FSTL5: variants seen among roughly 807,000 people sequenced by gnomAD.
FSTL5 encodes the protein follistatin-related protein 5.
FSTL5 carries 62 observed loss-of-function variants against 89.1 expected under a neutral mutation model. That is an observed-to-expected ratio of 0.70 (90% CI 0.57 to 0.86). The LOEUF is 0.86. Among genes scored for constraint, FSTL5 ranks in the 40% least tolerant of loss-of-function variants. FSTL5 has a pLI of 0.00. For synonymous variants in FSTL5, 383 were observed against 346.2 expected, an observed-to-expected ratio of 1.11 and a Z score of -1.18; for missense variants, 1,057 against 1,001.6, an observed-to-expected ratio of 1.06 and a Z score of -0.75.
rs756700628 is a variant in FSTL5, at chr4:161,563,929, A to G, written c.1016-21236T>C. On this transcript the variant is annotated intron_variant, in intron 8 of 15. Coordinates refer to ENST00000306100, the MANE Select transcript of FSTL5 (RefSeq NM_020116.5). ...AAAATGAAAAGAAAAAACAACACAAAAATTGTCATAGTAGGGTGCTAAAAA... is the reference window on the plus strand; with the variant it reads ...AAAATGAAAAGAAAAAACAACACAAGAATTGTCATAGTAGGGTGCTAAAAA... 3.9e-5 allele frequency among the ~76,000 whole-genome samples: 6 copies of G among 152,100 alleles called. 1 individual carries two copies. The South Asian group carries it at 8.3e-4, about 21-fold the overall frequency.
chr4:161,736,182 C>T (rs1186868819), intron 6 of FSTL5, among the ~76,000 whole-genome samples: 1 of 152,052 alleles, frequency 6.6e-6, no homozygotes, highest in Non-Finnish European at 1.5e-5. Flanking sequence ...CATTTGATTA[C>T]AGAATGTTAT....
At chr4:161,386,643 A>G (rs1730659490) in intron 15 of FSTL5, 194 bp from the exon 16 acceptor site, 1 of 558,106 alleles carries the variant, frequency 1.8e-6, no homozygotes, top group Non-Finnish European at 3.2e-6. Context: ...TTCTTTCATT[A>G]CATCCAAATC....
chr4:161,829,572 A>T (rs1201817398), intron 4 of FSTL5, among the ~76,000 whole-genome samples: 1 of 152,056 alleles, frequency 6.6e-6, no homozygotes, highest in East Asian at 1.9e-4. Flanking sequence ...GGAATGAAAA[A>T]TAATTTCCAG....
intron 4 of FSTL5, among the ~76,000 whole-genome samples, chr4:161,784,919 A>C (rs1056355052): frequency 1.5e-5 from 2 of 131,102 alleles, no homozygotes; most frequent in Admixed American, 7.7e-5. Flanking sequence ...AACAAACAAA[A>C]AAAAGAAGAT....
intron 15 of FSTL5, among the ~76,000 whole-genome samples, chr4:161,444,126 G>A (rs1187105889): frequency 6.6e-6 from 1 of 151,906 alleles, no homozygotes; most frequent in Non-Finnish European, 1.5e-5. Context: ...TTGGTGAACA[G>A]AGTAGAGAAC....
At chr4:161,496,357 C>T (rs541629675) in intron 12 of FSTL5, among the ~76,000 whole-genome samples, 2 of 152,074 alleles carry the variant, frequency 1.3e-5, no homozygotes, top group African/African-American at 2.4e-5. Flanking sequence ...GTCAAACACT[C>T]GTCTAGATTT....
At chr4:161,388,563 A>T (rs1228863216) in intron 15 of FSTL5, 1 of 152,134 alleles carries the variant, frequency 6.6e-6, no homozygotes, top group Non-Finnish European at 1.5e-5. Context: ...ATAAACAAAC[A>T]TATAACATTT....
At chr4:161,487,462 G>C (rs1729717602) in intron 12 of FSTL5, among the ~76,000 whole-genome samples, 1 of 152,084 alleles carries the variant, frequency 6.6e-6, no homozygotes, top group Admixed American at 6.5e-5. Context: ...ATAGCAATTT[G>C]ACATTGCCAT....
At chr4:161,398,430 A>G (rs1487845133) in intron 15 of FSTL5, among the ~76,000 whole-genome samples, 1 of 152,090 alleles carries the variant, frequency 6.6e-6, no homozygotes, top group Non-Finnish European at 1.5e-5. Context: ...ATGCTCTTTT[A>G]TGTAATTGCT....
intron 3 of FSTL5, among the ~76,000 whole-genome samples, chr4:161,987,564 TGAAATATATATAAA>T (rs1736000771): frequency 6.8e-6 from 1 of 147,242 alleles, no homozygotes; most frequent in Admixed American, 6.8e-5. Flanking sequence ...TATACTTTAT[TGAAATATATATAAA>T]GAAATATATA....
At chr4:162,114,565 CACAT>C (rs1167649156) in intron 1 of FSTL5, among the ~76,000 whole-genome samples, 201 of 130,420 alleles carry the variant, frequency 1.5e-3, no homozygotes, top group African/African-American at 5.8e-3. Context: ...CACACACACA[CACAT>C]ATTCTATATG....
At chr4:161,438,646 A>T (rs914229170) in intron 15 of FSTL5, among the ~76,000 whole-genome samples, 47 of 152,178 alleles carry the variant, frequency 3.1e-4, no homozygotes, top group African/African-American at 1.0e-3. Context: ...AAGTAAATGA[A>T]CAAAATATAA....
chr4:161,446,493 AAAGT>A (rs1394675820), intron 15 of FSTL5, among the ~76,000 whole-genome samples: 2 of 152,140 alleles, frequency 1.3e-5, no homozygotes, highest in East Asian at 3.9e-4. Context: ...ATAAATTCAT[AAAGT>A]AAGATGCTAT....
At chr4:161,480,877 T>C in intron 13 of FSTL5, 143 bp downstream of exon 13, 1 of 597,644 alleles carries the variant, frequency 1.7e-6, no homozygotes, top group South Asian at 2.4e-5. Context: ...GAGAGAAGAG[T>C]TTGCAGAAAA....
chr4:162,125,866 CT>C (rs1732058144), intron 1 of FSTL5, among the ~76,000 whole-genome samples: 1 of 151,792 alleles, frequency 6.6e-6, no homozygotes, highest in Admixed American at 6.6e-5. Context: ...TCTACATGTA[CT>C]TTTGTGCCTG....
chr4:162,118,327 C>G (rs1004633351), intron 1 of FSTL5, among the ~76,000 whole-genome samples: 5 of 151,910 alleles, frequency 3.3e-5, no homozygotes, highest in Non-Finnish European at 7.4e-5. Context: ...GTGGCGCGAT[C>G]TCGGCTCACT....
intron 6 of FSTL5, among the ~76,000 whole-genome samples, chr4:161,702,926 T>C (rs147120814): frequency 7.5e-4 from 114 of 152,224 alleles, no homozygotes; most frequent in Middle Eastern, 3.4e-3. Context: ...AGGCTGTATT[T>C]GGACAAAAGG....
intron 7 of FSTL5, among the ~76,000 whole-genome samples, chr4:161,624,889 T>C (rs1016118240): frequency 6.6e-6 from 1 of 152,198 alleles, no homozygotes; most frequent in Non-Finnish European, 1.5e-5. Flanking sequence ...TTCCAGATTC[T>C]ATGCAGAAGT....
At chr4:161,883,359 A>T (rs1410160304) in intron 4 of FSTL5, among the ~76,000 whole-genome samples, 1 of 152,180 alleles carries the variant, frequency 6.6e-6, no homozygotes, top group Admixed American at 6.5e-5. Flanking sequence ...CTAACTTATC[A>T]ATGATGTATG....
Sources: gnomAD v4.1 joint callset for allele counts (sites outside exome capture counted in the v4.1 genomes callset) on GRCh38, gnomAD v4.1.1 for gene constraint, MANE v1.5 for transcripts, NCBI Gene and HGNC (gene_info 2026-07-23, HGNC 2026-07-21) for gene names.